DGCR2: variants seen among roughly 807,000 people sequenced by gnomAD.
The protein encoded by DGCR2 is integral membrane protein DGCR2/IDD.
A neutral mutation model predicts 51.6 loss-of-function variants in DGCR2; 24 were observed. That is an observed-to-expected ratio of 0.47 (90% confidence interval 0.34 to 0.65). The LOEUF is 0.65. Among genes scored for constraint, DGCR2 ranks in the 30% least tolerant of loss-of-function variants. The pLI is 0.01. For synonymous variants in DGCR2, 340 were observed against 315.4 expected (o/e 1.08, Z -0.82); for missense variants, 765 against 772.1 (o/e 0.99, Z 0.11).
intron 6 of DGCR2, among the ~76,000 whole-genome samples, chr22:19,051,640 T>G (rs2082549767): frequency 6.6e-6 from 1 of 152,312 alleles, no homozygotes; most frequent in South Asian, 2.1e-4. Context: ...GTGGGAGGAC[T>G]GCCTGAGCCC....
At chr22:19,109,306 CA>C (rs1407635327) in intron 1 of DGCR2, among the ~76,000 whole-genome samples, 1 of 151,944 alleles carries the variant, frequency 6.6e-6, no homozygotes, top group Non-Finnish European at 1.5e-5. Flanking sequence ...GGTACATACC[CA>C]AAATTAATTG....
In DGCR2 at chr22:19,122,250, C is replaced by T. The variant is rs901579008; in HGVS notation, c.-44G>A. The T allele has an allele frequency of 4.2e-6, 6 of 1,423,956 alleles. 1 individual carries two copies. The highest frequency in any genetic ancestry group is 1.6e-5 in the African/African-American group (1 of 62,108). 88.2% of individuals were successfully genotyped at this position (1,423,956 alleles called of 1,614,324 possible). On this transcript the variant is annotated 5_prime_UTR_variant, in exon 1 of 10. Transcript: ENST00000263196. ...CCCCGGGGCGGCTGGAAGGCCGGAC[C>T]AGGCCGGACTGAGGGTCAGGGGACC...
chr22:19,043,019 G>A (rs1432739484), intron 7 of DGCR2, among the ~76,000 whole-genome samples: 1 of 152,156 alleles, frequency 6.6e-6, no homozygotes, highest in Non-Finnish European at 1.5e-5. Context: ...CCCACACATT[G>A]GGTACACACG....
In DGCR2 at chr22:19,089,245, G is replaced by A. The variant is rs981078069; in HGVS notation, c.202+123C>T. 166 of 1,100,696 alleles carry A rather than the reference G, an allele frequency of 1.5e-4. No homozygotes were observed. The Middle Eastern group carries it at 1.5e-3, about 10-fold the overall frequency. The allele number at this position is 1,100,696 out of a possible 1,614,324, so 68.2% of individuals were successfully genotyped here. On this transcript the variant is annotated intron_variant, in intron 2 of 9. Transcript: ENST00000263196. ...AAAGACAGAGAGAGAGGAAGGGGTC[G>A]GCTCAAACTAACTTTCCAATGTGTT...
chr22:19,070,304 G>A (rs569838739), intron 2 of DGCR2, among the ~76,000 whole-genome samples: 1 of 152,314 alleles, frequency 6.6e-6, no homozygotes, highest in African/African-American at 2.4e-5. Flanking sequence ...GGGCTTTCTG[G>A]CAGATGGAGC....
intron 1 of DGCR2, among the ~76,000 whole-genome samples, chr22:19,103,416 CTTTTTTTTTTTTTTTT>C (rs55877455): frequency 3.4e-4 from 23 of 67,736 alleles, no homozygotes; most frequent in South Asian, 1.3e-3. Context: ...AAAAAAAGTT[CTTTTTTTTTTTTTTTT>C]TTTTTTTTTT....
At chr22:19,053,013 A>G (rs991641208) in intron 6 of DGCR2, among the ~76,000 whole-genome samples, 2 of 152,246 alleles carry the variant, frequency 1.3e-5, no homozygotes, top group African/African-American at 2.4e-5. Context: ...AGTGGCCACC[A>G]GCTTCTCTAT....
chr22:19,047,048 C>T (rs2082497822), intron 7 of DGCR2: 1 of 154,914 alleles, frequency 6.5e-6, no homozygotes, highest in Non-Finnish European at 1.4e-5. Flanking sequence ...TGTGGCCGGG[C>T]ACAGGGAACT....
chr22:19,065,947 T>A (rs1047248707), intron 3 of DGCR2: 1 of 130,656 alleles, frequency 7.7e-6, no homozygotes, highest in East Asian at 2.1e-4. Flanking sequence ...ATGTATTTAT[T>A]ATGTAAGCAT....
At chr22:19,097,498 G>A (rs1434961527) in intron 1 of DGCR2, among the ~76,000 whole-genome samples, 4 of 152,082 alleles carry the variant, frequency 2.6e-5, no homozygotes, top group African/African-American at 9.7e-5. Flanking sequence ...GCTGCAGTAA[G>A]CTGAGATTGC....
At chr22:19,064,062 G>T (rs960830648) in intron 4 of DGCR2, among the ~76,000 whole-genome samples, 5 of 152,202 alleles carry the variant, frequency 3.3e-5, no homozygotes, top group Non-Finnish European at 7.3e-5. Flanking sequence ...CCTTGCACTG[G>T]CATCTGGCTG....
At chr22:19,118,977 GATC>G (rs1160501490) in intron 1 of DGCR2, among the ~76,000 whole-genome samples, 1 of 152,150 alleles carries the variant, frequency 6.6e-6, no homozygotes, top group Non-Finnish European at 1.5e-5. Context: ...CACCCCCAGT[GATC>G]ATAACACACA....
chr22:19,039,221 G>C, intron 9 of DGCR2, 100 bp from the exon 10 acceptor site: 2 of 1,478,784 alleles, frequency 1.4e-6, no homozygotes, highest in East Asian at 4.6e-5. Context: ...CCTGCCTGAA[G>C]GCCCCCCTGA....
At chr22:19,071,359 T>C (rs1282857139) in intron 2 of DGCR2, among the ~76,000 whole-genome samples, 2 of 152,212 alleles carry the variant, frequency 1.3e-5, no homozygotes, top group African/African-American at 4.8e-5. Context: ...CAAATTACTT[T>C]TCGTCACAAA....
At chr22:19,052,771 G>A (rs1601516869) in intron 6 of DGCR2, among the ~76,000 whole-genome samples, 1 of 150,858 alleles carries the variant, frequency 6.6e-6, no homozygotes. Flanking sequence ...AGACCTTGTC[G>A]CCAAAAAGAA....
At chr22:19,117,218 G>T (rs531507222) in intron 1 of DGCR2, among the ~76,000 whole-genome samples, 45 of 152,386 alleles carry the variant, frequency 3.0e-4, no homozygotes, top group Non-Finnish European at 5.1e-4. Flanking sequence ...ACTCTGGGAA[G>T]TGGGAAGGAA....
chr22:19,085,308 C>T (rs2083002798), intron 2 of DGCR2, among the ~76,000 whole-genome samples: 1 of 152,198 alleles, frequency 6.6e-6, no homozygotes, highest in African/African-American at 2.4e-5. Flanking sequence ...CTACTGCCAT[C>T]TATAGGTTAG....
chr22:19,080,598 G>A (rs917548635), intron 2 of DGCR2, among the ~76,000 whole-genome samples: 1 of 152,182 alleles, frequency 6.6e-6, no homozygotes, highest in Admixed American at 6.5e-5. Context: ...AGCACTTTGG[G>A]AGGCTGGGGG....
chr22:19,110,314 AG>A (rs1333844001), intron 1 of DGCR2, among the ~76,000 whole-genome samples: 1 of 152,200 alleles, frequency 6.6e-6, no homozygotes, highest in African/African-American at 2.4e-5. Context: ...CAGGGACTGC[AG>A]GAACAGGCTG....
Sources: gnomAD v4.1 joint callset for allele counts (sites outside exome capture counted in the v4.1 genomes callset) on GRCh38, gnomAD v4.1.1 for gene constraint, MANE v1.5 for transcripts, NCBI Gene and HGNC (gene_info 2026-07-23, HGNC 2026-07-21) for gene names.